ARHGEF26: variants seen among roughly 807,000 people sequenced by gnomAD.
ARHGEF26 encodes Rho guanine nucleotide exchange factor (GEF) 26.
Under a neutral mutation model 89.4 loss-of-function variants are expected in ARHGEF26, and 59 were observed. The ratio of observed to expected loss-of-function variants is 0.66; its 90% CI spans 0.54 to 0.82. The LOEUF (loss-of-function observed/expected upper bound fraction) is 0.82. Ranked by LOEUF, ARHGEF26 falls within the 40% of genes least tolerant of loss-of-function variation. The pLI is 0.00. For missense variants in ARHGEF26, 1,234 were observed against 1,085.6 expected (o/e 1.14, Z -1.92); for synonymous variants, 500 against 428.4 (o/e 1.17, Z -2.06).
intron 9 of ARHGEF26, among the ~76,000 whole-genome samples, chr3:154,214,142 C>A (rs1359187440): frequency 6.6e-6 from 1 of 152,102 alleles, no homozygotes; most frequent in Non-Finnish European, 1.5e-5. Context: ...CACATGGGAG[C>A]AGTGAGAGGT....
chr3:154,220,312 T>G (rs1716048669), intron 10 of ARHGEF26, among the ~76,000 whole-genome samples: 1 of 152,196 alleles, frequency 6.6e-6, no homozygotes, highest in Non-Finnish European at 1.5e-5. Flanking sequence ...AGTAGAAGAC[T>G]GCTGAAAATC....
intron 8 of ARHGEF26, 121 bp from the exon 9 acceptor site, chr3:154,194,523 C>T (rs1714162443): frequency 1.5e-6 from 1 of 682,824 alleles, no homozygotes; most frequent in Admixed American, 2.6e-5. Flanking sequence ...TATCCTCATA[C>T]TCATCCGTAA....
At chr3:154,121,628 G>A in intron 1 of ARHGEF26, 109 bp downstream of exon 1, 1 of 236,500 alleles carries the variant, frequency 4.2e-6, no homozygotes, top group Non-Finnish European at 8.2e-6. Context: ...TCCCAAGAAA[G>A]CTGAACTCGT....
intron 11 of ARHGEF26, among the ~76,000 whole-genome samples, chr3:154,237,537 G>A (rs1014046608): frequency 4.1e-4 from 17 of 41,078 alleles, no homozygotes; most frequent in East Asian, 1.7e-3. Context: ...GTGAGACTCC[G>A]TCACACACAC....
intron 9 of ARHGEF26, among the ~76,000 whole-genome samples, chr3:154,203,195 G>A (rs1395163573): frequency 1.3e-5 from 2 of 152,096 alleles, no homozygotes; most frequent in South Asian, 2.1e-4. Context: ...TTTATTGAGA[G>A]TTTTTAGCAT....
chr3:154,255,291 A>T, intron 14 of ARHGEF26, 40 bp from the exon 15 acceptor site: 1 of 1,596,744 alleles, frequency 6.3e-7, no homozygotes, highest in Non-Finnish European at 8.5e-7. Flanking sequence ...GCACACTCCA[A>T]ATACTTGTTG....
intron 4 of ARHGEF26, among the ~76,000 whole-genome samples, chr3:154,136,364 C>T (rs1719008947): frequency 1.3e-5 from 2 of 150,184 alleles, no homozygotes; most frequent in African/African-American, 2.5e-5. Context: ...GTGTGACTAA[C>T]AGTGCAATGG....
At chr3:154,249,148 A>G (rs1475446057) in intron 12 of ARHGEF26, among the ~76,000 whole-genome samples, 1 of 152,216 alleles carries the variant, frequency 6.6e-6, no homozygotes, top group African/African-American at 2.4e-5. Flanking sequence ...TCTATTGAGA[A>G]ATCAGAAAAC....
chr3:154,121,839 G>A, intron 1 of ARHGEF26, 103 bp from the exon 2 acceptor site: 1 of 1,055,764 alleles, frequency 9.5e-7, no homozygotes, highest in Non-Finnish European at 1.3e-6. Flanking sequence ...GTGCAGTCGT[G>A]TCCTGCGCAG....
Position 154,149,392 on chromosome 3 carries a change from A to G in ARHGEF26, c.1273A>G (p.Lys425Glu). 1 of 1,604,900 alleles carries G rather than the reference A, an allele frequency of 6.2e-7. No individual in the cohort carries two copies. The highest frequency in any genetic ancestry group is 8.5e-7 in the Non-Finnish European group (1 of 1,175,264). ...TCTACTTTGCTTTTTCTCCTAGGTG[A>G]AAAGAAAGGGATTATCTCAGACAGT... Reference protein sequence around the residue: ...RSTWSQLSAVKRKGLSQTVSQ... With the variant: ...RSTWSQLSAVERKGLSQTVSQ... The change falls in exon 5 of 15, where the codon AAA becomes GAA. Residue 425 changes from lysine to glutamate, a missense_variant. Physicochemically the swap from Lys to Glu is moderately conservative, Grantham distance 56 (BLOSUM62 1). Coordinates refer to ENST00000465093, the MANE Select transcript of ARHGEF26 (RefSeq NM_015595.4).
intron 6 of ARHGEF26, among the ~76,000 whole-genome samples, chr3:154,172,610 C>T (rs138897454): frequency 3.0e-3 from 456 of 152,244 alleles, no homozygotes; most frequent in South Asian, 8.1e-3. Context: ...ATGAGAATTG[C>T]TTGAACCCAG....
intron 3 of ARHGEF26, among the ~76,000 whole-genome samples, chr3:154,128,042 A>C (rs1433230844): frequency 2.0e-5 from 3 of 152,098 alleles, no homozygotes; most frequent in Admixed American, 6.6e-5. Flanking sequence ...CAAATATCTG[A>C]CTGCCAGACT....
intron 6 of ARHGEF26, among the ~76,000 whole-genome samples, chr3:154,157,487 A>G (rs75339046): frequency 0.055 from 8,330 of 152,178 alleles, 644 homozygotes; most frequent in African/African-American, 0.16. Flanking sequence ...ATGTGGAAAC[A>G]TTTATCAATT....
At chr3:154,238,879 C>T (rs1181230825) in intron 11 of ARHGEF26, among the ~76,000 whole-genome samples, 2 of 151,896 alleles carry the variant, frequency 1.3e-5, no homozygotes, top group Non-Finnish European at 2.9e-5. Context: ...TGCAAGCTAG[C>T]TAATTTAATA....
At chr3:154,123,522 G>T (rs1718130631) in intron 2 of ARHGEF26, among the ~76,000 whole-genome samples, 1 of 152,180 alleles carries the variant, frequency 6.6e-6, no homozygotes, top group Non-Finnish European at 1.5e-5. Flanking sequence ...GTTTGAGCCT[G>T]TTGATTATTT....
At chr3:154,221,942 ATAGGTGCTACTACTATGAG>A (rs1716156656) in intron 10 of ARHGEF26, among the ~76,000 whole-genome samples, 1 of 152,224 alleles carries the variant, frequency 6.6e-6, no homozygotes, top group Non-Finnish European at 1.5e-5. Context: ...TGGTATGGCC[ATAGGTGCTACTACTATGAG>A]AATATTGGTT....
At chr3:154,190,430 C>T (rs1713883841) in intron 7 of ARHGEF26, among the ~76,000 whole-genome samples, 2 of 152,188 alleles carry the variant, frequency 1.3e-5, no homozygotes, top group South Asian at 4.1e-4. Flanking sequence ...ATTGCTTGAA[C>T]CTGGGAGGCA....
At chr3:154,123,322 TGGG>T (rs1020632577) in intron 2 of ARHGEF26, among the ~76,000 whole-genome samples, 1 of 152,000 alleles carries the variant, frequency 6.6e-6, no homozygotes, top group Admixed American at 6.6e-5. Context: ...CAGGCAGAAT[TGGG>T]GGGGACAAGA....
intron 5 of ARHGEF26, among the ~76,000 whole-genome samples, chr3:154,151,174 CAT>C (rs905211802): frequency 3.3e-5 from 5 of 152,166 alleles, no homozygotes; most frequent in African/African-American, 1.2e-4. Flanking sequence ...CAACTTGAAA[CAT>C]ACCTCAAAAT....
Sources: allele counts gnomAD v4.1 joint callset (sites outside exome capture counted in the v4.1 genomes callset), GRCh38; gene constraint gnomAD v4.1.1; transcripts MANE v1.5; gene names NCBI Gene and HGNC (gene_info 2026-07-23, HGNC 2026-07-21).